CASTOR2: variants seen among roughly 807,000 people sequenced by gnomAD.
The protein encoded by CASTOR2 is cytosolic arginine sensor for mTORC1 subunit 2, also known as GATS protein like 2.
CASTOR2 carries 8 observed loss-of-function variants against 31.2 expected under a neutral mutation model. That is an observed-to-expected ratio of 0.26 (90% CI 0.15 to 0.46). The LOEUF (loss-of-function observed/expected upper bound fraction) is 0.46, where lower values mean the gene tolerates loss of function less well. Among genes scored for constraint, CASTOR2 ranks in the 20% least tolerant of loss-of-function variants. CASTOR2 has a pLI of 0.99. For synonymous variants in CASTOR2, 162 were observed against 158.7 expected, an observed-to-expected ratio of 1.02 and a Z score of -0.16; for missense variants, 216 against 382.1, an observed-to-expected ratio of 0.57 and a Z score of 3.62.
intron 1 of CASTOR2, among the ~76,000 whole-genome samples, chr7:75,002,072 T>A (rs1443265092): frequency 6.6e-6 from 1 of 151,510 alleles, no homozygotes; most frequent in African/African-American, 2.4e-5. Flanking sequence ...TCAGGCAGGG[T>A]TTTATTTTAT....
At chr7:74,977,991 T>TGGTGTCTA (rs1308335812) in intron 1 of CASTOR2, among the ~76,000 whole-genome samples, 5 of 150,456 alleles carry the variant, frequency 3.3e-5, no homozygotes, top group African/African-American at 1.2e-4. Flanking sequence ...AATGGAAAAC[T>TGGTGTCTA]GGTGTCTAGG....
chr7:75,007,530 G>A (rs1438045760), intron 1 of CASTOR2, among the ~76,000 whole-genome samples: 81 of 152,200 alleles, frequency 5.3e-4, no homozygotes, highest in African/African-American at 1.9e-3. Flanking sequence ...TGGGAATTAG[G>A]CATTTTTATG....
chr7:75,006,226 A>G (rs1348594801), intron 1 of CASTOR2, among the ~76,000 whole-genome samples: 2 of 152,198 alleles, frequency 1.3e-5, no homozygotes, highest in African/African-American at 4.8e-5. Context: ...CAAGGCTTCC[A>G]TGAGCTGTGA....
chr7:75,013,092 GCT>G (rs1804791096), intron 2 of CASTOR2, among the ~76,000 whole-genome samples: 2 of 152,308 alleles, frequency 1.3e-5, no homozygotes, highest in African/African-American at 4.8e-5. Context: ...AAGGATGCTG[GCT>G]CTGGCATGGG....
intron 5 of CASTOR2, among the ~76,000 whole-genome samples, chr7:75,019,441 CG>C (rs1378441456): frequency 6.6e-6 from 1 of 151,594 alleles, no homozygotes; most frequent in Non-Finnish European, 1.5e-5. Flanking sequence ...AGACCCACCC[CG>C]GAACTAGTTT....
chr7:75,020,236 C>G lies in CASTOR2; in HGVS notation c.746+87C>G, dbSNP rs1398306568. ...TGTGATGGCACATCACCCACTTTGT[C>G]TTTTATTTGTTGTTGTTTTTTTTTG... On this transcript the variant is annotated intron_variant, in intron 6 of 8. Transcript: ENST00000616305. 3.2e-6 allele frequency: 4 copies of G among 1,254,090 alleles called. No individual in the cohort carries two copies. The African/African-American group carries it at 6.0e-5, about 19-fold the overall frequency. The allele number at this position is 1,254,090 out of a possible 1,614,324, so 77.7% of individuals were successfully genotyped here.
intron 1 of CASTOR2, among the ~76,000 whole-genome samples, chr7:74,996,258 C>T (rs1196105624): frequency 1.3e-5 from 2 of 152,130 alleles, no homozygotes; most frequent in East Asian, 3.9e-4. Context: ...CCCAGGAACA[C>T]CCAGCCCCAC....
rs1455242844 is a variant in CASTOR2 at position 75,025,660 on chromosome 7, G to A, written c.*961G>A. Among the ~76,000 whole-genome samples the A allele has an allele frequency of 6.6e-6, 1 of 152,278 alleles. No homozygotes were observed. Among genetic ancestry groups the A allele is most frequent in the East Asian group, 1.9e-4 (1 of 5,200 alleles). On this transcript the variant is annotated 3_prime_UTR_variant, in exon 9 of 9. Transcript: ENST00000616305. ...CTGCCCACCCGCCCCTTGGCTGGGG[G>A]CTGTGGCATTCATGAGTACTTGACC...
chr7:75,013,832 A>G (rs1804806327), intron 2 of CASTOR2, among the ~76,000 whole-genome samples: 1 of 151,924 alleles, frequency 6.6e-6, no homozygotes. Flanking sequence ...GGTTCAAGCG[A>G]TTCTCATGCC....
At chr7:74,986,466 G>A (rs1397320841) in intron 1 of CASTOR2, among the ~76,000 whole-genome samples, 1 of 150,524 alleles carries the variant, frequency 6.6e-6, no homozygotes, top group Non-Finnish European at 1.5e-5. Context: ...CTCCAGCCTG[G>A]GCAACAGAGG....
intron 1 of CASTOR2, among the ~76,000 whole-genome samples, chr7:75,001,154 G>A (rs1472115521): frequency 1.3e-5 from 2 of 152,172 alleles, no homozygotes; most frequent in Non-Finnish European, 2.9e-5. Context: ...ACGGCTCACT[G>A]CAACCTCCGC....
At chr7:75,000,413 C>G (rs1189485932) in intron 1 of CASTOR2, among the ~76,000 whole-genome samples, 7 of 152,132 alleles carry the variant, frequency 4.6e-5, no homozygotes, top group Non-Finnish European at 8.8e-5. Flanking sequence ...TCATTCCAGA[C>G]AGAACGGGCC....
chr7:75,026,498 C>T lies in CASTOR2; in HGVS notation c.*1799C>T, dbSNP rs936006150. On this transcript the variant is annotated 3_prime_UTR_variant, in exon 9 of 9. Coordinates refer to ENST00000616305, the MANE Select transcript of CASTOR2 (RefSeq NM_001145064.3). ...AGCCACCACACCCAGCCGAGTTGTGCTGTTTCTGTGGTCAGAGGAGAAGGG... is the reference window on the plus strand; with the variant it reads ...AGCCACCACACCCAGCCGAGTTGTGTTGTTTCTGTGGTCAGAGGAGAAGGG... Among the ~76,000 whole-genome samples the T allele has an allele frequency of 3.9e-5, 6 of 152,110 alleles. No individual in the cohort carries two copies. The highest frequency in any genetic ancestry group is 7.4e-5 in the Non-Finnish European group (5 of 68,014).
chr7:74,975,585 G>A (rs1391706797), intron 1 of CASTOR2, among the ~76,000 whole-genome samples: 1 of 120,662 alleles, frequency 8.3e-6, no homozygotes, highest in Non-Finnish European at 1.7e-5. Flanking sequence ...GCGTGGTGGC[G>A]GGCGCCTGTA....
At chr7:74,986,402 A>G (rs1356228665) in intron 1 of CASTOR2, among the ~76,000 whole-genome samples, 1 of 151,430 alleles carries the variant, frequency 6.6e-6, no homozygotes, top group African/African-American at 2.4e-5. Context: ...GAGGCAGAGA[A>G]TTACTTGAAG....
chr7:75,020,553 C>G lies in CASTOR2; in HGVS notation c.746+404C>G, dbSNP rs1332948833. Among the ~76,000 whole-genome samples the G allele has an allele frequency of 6.6e-5, 10 of 151,094 alleles. 1 individual carries two copies. Among genetic ancestry groups the G allele is most frequent in the Non-Finnish European group, 7.4e-5 (5 of 67,864 alleles). ...TCGCCCAGGCTGGAGTGCAGTGGCA[C>G]TATCTCGGCTCACTGCAAGCTCCAC... On this transcript the variant is annotated intron_variant, in intron 6 of 8. Coordinates refer to ENST00000616305, the MANE Select transcript of CASTOR2 (RefSeq NM_001145064.3).
chr7:75,009,262 C>CA, intron 2 of CASTOR2, among the ~76,000 whole-genome samples: 1 of 60,304 alleles, frequency 1.7e-5, no homozygotes, highest in South Asian at 8.6e-4. Context: ...GGCCTGAGAA[C>CA]TTTTTTTTTT....
chr7:75,010,848 GTCTC>G (rs1157192478), intron 2 of CASTOR2, among the ~76,000 whole-genome samples: 1 of 151,490 alleles, frequency 6.6e-6, no homozygotes, highest in Non-Finnish European at 1.5e-5. Flanking sequence ...TTGTTTTTTT[GTCTC>G]TCTCTTTTTT....
intron 1 of CASTOR2, among the ~76,000 whole-genome samples, chr7:74,998,181 C>T (rs1350547499): frequency 2.0e-5 from 3 of 152,294 alleles, no homozygotes; most frequent in African/African-American, 4.8e-5. Flanking sequence ...TCGGTTTTCC[C>T]GTCTGTGAAA....
Sources: allele counts gnomAD v4.1 joint callset (sites outside exome capture counted in the v4.1 genomes callset), GRCh38; gene constraint gnomAD v4.1.1; transcripts MANE v1.5; gene names NCBI Gene and HGNC (gene_info 2026-07-23, HGNC 2026-07-21).